The following RNF19B variants were observed in gnomAD, a reference collection of about 807,000 sequenced individuals.
RNF19B encodes E3 ubiquitin-protein ligase RNF19B.
In RNF19B, 23 loss-of-function variants were observed where a neutral mutation model predicts 65.5. That is an observed-to-expected ratio of 0.35 (90% CI 0.25 to 0.50). RNF19B has a LOEUF of 0.50. Ranked by LOEUF, RNF19B falls within the 20% of genes least tolerant of loss-of-function variation. The probability of loss-of-function intolerance (pLI) is 0.98; values close to 1 mark genes in which losing one functional copy is unlikely to be tolerated. For synonymous variants in RNF19B, 372 were observed against 379.6 expected, an observed-to-expected ratio of 0.98 and a Z score of 0.23; for missense variants, 794 against 980.0, an observed-to-expected ratio of 0.81 and a Z score of 2.53.
chr1:32,948,385 T>C lies in RNF19B; in HGVS notation c.842-22A>G, dbSNP rs183032037. The C allele has an allele frequency of 9.0e-4, 1,447 of 1,606,182 alleles. 10 individuals are homozygous for C. Among genetic ancestry groups the C allele is most frequent in the Non-Finnish European group, 4.3e-4 (509 of 1,174,886 alleles). On this transcript the variant is annotated intron_variant, in intron 2 of 8. Coordinates refer to ENST00000235150, the MANE Select transcript of RNF19B (RefSeq NM_001300826.2). ...TCATCTGCTATGAGTGGGGGAAGAA[T>C]GGGTAGAAAAAATACCCCTAGTTAA...
chr1:32,940,992 T>C (rs1364851101), intron 7 of RNF19B, among the ~76,000 whole-genome samples: 1 of 152,002 alleles, frequency 6.6e-6, no homozygotes, highest in Non-Finnish European at 1.5e-5. Context: ...GGGAGCCAAG[T>C]TGGGAGGATG....
Position 32,944,103 on chromosome 1 carries a change from A to C in RNF19B, c.1318T>G (p.Cys440Gly). Residue 440 changes from cysteine (C) to glycine (G), a missense_variant, in exon 6 of 9, where the codon TGT (cysteine) becomes GGT (glycine). Coordinates refer to ENST00000235150, the MANE Select transcript of RNF19B (RefSeq NM_001300826.2). ...YVYGVVPISLCRGGGCGVSTA... is the reference protein window; with the variant it reads ...YVYGVVPISLGRGGGCGVSTA... ...CTAACTCCACAGCCGCCTCCACGAC[A>C]AAGAGAAATGGGCACAACCCCATAA... The C allele has an allele frequency of 1.9e-6, 3 of 1,614,080 alleles. No homozygotes were observed. The highest frequency in any genetic ancestry group is 2.5e-6 in the Non-Finnish European group (3 of 1,179,994).
chr1:32,929,836 C>T, the RNF19B span, among the ~76,000 whole-genome samples: 3 of 152,144 alleles, frequency 2.0e-5, no homozygotes, highest in Non-Finnish European at 2.9e-5. Context: ...AGCTCTGTTG[C>T]CTTGGTACTA....
intron 1 of RNF19B, among the ~76,000 whole-genome samples, chr1:32,953,545 C>T (rs2124166630): frequency 6.6e-6 from 1 of 152,140 alleles, no homozygotes; most frequent in Middle Eastern, 3.4e-3. Flanking sequence ...GACAATGTAT[C>T]CCCTATGTTA....
chr1:32,941,462 C>T (rs1642228207), intron 7 of RNF19B, among the ~76,000 whole-genome samples: 1 of 152,036 alleles, frequency 6.6e-6, no homozygotes. Context: ...ATCACTAGAA[C>T]CCAGGAGGTG....
chr1:32,932,362 C>T (rs1489554545), downstream of RNF19B, among the ~76,000 whole-genome samples: 1 of 152,218 alleles, frequency 6.6e-6, no homozygotes, highest in Non-Finnish European at 1.5e-5. Flanking sequence ...AACCTAAGGT[C>T]TCTACATCTT....
At chr1:32,958,055 G>A (rs1028979292) in intron 1 of RNF19B, among the ~76,000 whole-genome samples, 1 of 152,190 alleles carries the variant, frequency 6.6e-6, no homozygotes, top group Non-Finnish European at 1.5e-5. Flanking sequence ...AGAGACATGA[G>A]CTCTCAATCT....
At chr1:32,937,311 T>C in intron 8 of RNF19B, 52 bp from the exon 9 acceptor site, 4 of 1,609,922 alleles carry the variant, frequency 2.5e-6, no homozygotes, top group Non-Finnish European at 3.4e-6. Context: ...ATGCTAAACC[T>C]GTTGGTAAAA....
At chr1:32,958,032 G>T (rs1209138019) in intron 1 of RNF19B, among the ~76,000 whole-genome samples, 1 of 152,170 alleles carries the variant, frequency 6.6e-6, no homozygotes, top group East Asian at 1.9e-4. Flanking sequence ...TTGGAATATA[G>T]ATATCCTAGT....
At chr1:32,950,806 G>A (rs983775957) in intron 1 of RNF19B, among the ~76,000 whole-genome samples, 1 of 151,556 alleles carries the variant, frequency 6.6e-6, no homozygotes, top group African/African-American at 2.4e-5. Flanking sequence ...CAAAGTGCTG[G>A]AATTACAGGC....
chr1:32,939,723 C>G (rs1642187066), intron 7 of RNF19B, among the ~76,000 whole-genome samples: 1 of 152,202 alleles, frequency 6.6e-6, no homozygotes, highest in Admixed American at 6.5e-5. Flanking sequence ...TCCAACATCA[C>G]TTTGTTGCAC....
At chr1:32,949,471 G>A in intron 2 of RNF19B, 98 bp downstream of exon 2, 1 of 940,968 alleles carries the variant, frequency 1.1e-6, no homozygotes, top group Non-Finnish European at 1.6e-6. Flanking sequence ...CTGATCCTTT[G>A]GAGTACTTGG....
At chr1:32,957,815 C>T (rs549824350) in intron 1 of RNF19B, among the ~76,000 whole-genome samples, 8 of 152,212 alleles carry the variant, frequency 5.3e-5, no homozygotes, top group Non-Finnish European at 1.2e-4. Flanking sequence ...GCCTGGGCGA[C>T]AAAGCGAGAC....
intron 4 of RNF19B, among the ~76,000 whole-genome samples, chr1:32,946,140 C>T (rs953361748): frequency 3.9e-5 from 6 of 152,138 alleles, no homozygotes; most frequent in African/African-American, 1.4e-4. Context: ...TGCTAGGCCA[C>T]GTATTACAAA....
chr1:32,934,601 A>C (rs2124094726), downstream of RNF19B, among the ~76,000 whole-genome samples: 1 of 152,056 alleles, frequency 6.6e-6, no homozygotes, highest in East Asian at 2.0e-4. Flanking sequence ...GAATCACTTG[A>C]ACCCGGGAGG....
At chr1:32,940,373 T>C (rs929103929) in intron 7 of RNF19B, among the ~76,000 whole-genome samples, 2 of 152,162 alleles carry the variant, frequency 1.3e-5, no homozygotes, top group Non-Finnish European at 2.9e-5. Flanking sequence ...CCCAAGTGAT[T>C]GACAGGCACT....
At chr1:32,961,307 A>G (rs980692935) in intron 1 of RNF19B, among the ~76,000 whole-genome samples, 2 of 152,178 alleles carry the variant, frequency 1.3e-5, no homozygotes, top group Non-Finnish European at 2.9e-5. Flanking sequence ...AATGAAATGC[A>G]CCCAAGCAGC....
intron 3 of RNF19B, among the ~76,000 whole-genome samples, chr1:32,946,841 A>G (rs773610109): frequency 6.6e-6 from 1 of 152,164 alleles, no homozygotes; most frequent in South Asian, 2.1e-4. Context: ...TAACCCACCA[A>G]AACTGATCTA....
chr1:32,952,955 TCA>T (rs1172018487), intron 1 of RNF19B, among the ~76,000 whole-genome samples: 2 of 146,152 alleles, frequency 1.4e-5, no homozygotes, highest in African/African-American at 5.1e-5. Flanking sequence ...TGAAAGTTAA[TCA>T]CACAATTTTT....
Sources: allele counts gnomAD v4.1 joint callset (sites outside exome capture counted in the v4.1 genomes callset), GRCh38; gene constraint gnomAD v4.1.1; transcripts MANE v1.5; gene names NCBI Gene and HGNC (gene_info 2026-07-23, HGNC 2026-07-21).